The following CCBE1 variants were observed in gnomAD, a reference collection of about 807,000 sequenced individuals.
CCBE1 encodes collagen and calcium binding EGF domains 1.
In CCBE1, 37 loss-of-function variants were observed where a neutral mutation model predicts 50.0. That is an observed-to-expected ratio of 0.74 (90% CI 0.57 to 0.97). The LOEUF is 0.97. Ranked by LOEUF, CCBE1 falls within the 50% of genes least tolerant of loss-of-function variation. The probability of loss-of-function intolerance (pLI) is 0.00; values close to 1 mark genes in which losing one functional copy is unlikely to be tolerated. For missense variants in CCBE1, 538 were observed against 523.8 expected (o/e 1.03, Z -0.26); for synonymous variants, 234 against 203.7 (o/e 1.15, Z -1.27).
In CCBE1 at chr18:59,432,914, G is replaced by A. The variant is rs2143591367; in HGVS notation, c.*2994C>T. ...CTTCTTTTAAAAAAAATCATAGATG[G>A]ACCTAGCCATCTCTCATACAGCTTG... On this transcript the variant is annotated 3_prime_UTR_variant, in exon 11 of 11. Transcript: ENST00000439986. 1 of 151,832 alleles carries A rather than the reference G, an allele frequency of 6.6e-6. No homozygotes were observed. Among genetic ancestry groups the A allele is most frequent in the South Asian group, 2.1e-4 (1 of 4,790 alleles). The allele number at this position is 151,832 out of a possible 1,614,324, so 9.4% of individuals were successfully genotyped here.
rs141191476 is a variant in CCBE1 at position 59,450,719 on chromosome 18, G to A, written c.655-2616C>T. On this transcript the variant is annotated intron_variant, in intron 6 of 10. Transcript: ENST00000439986. The stretch of plus-strand genomic sequence containing the variant: ...CCAACTAATTTTTCTAATTTTAGTA[G>A]AGATGGGGTTTCACTATGTTGGCCA... 7.1e-3 allele frequency among the ~76,000 whole-genome samples: 1,082 copies of A among 152,312 alleles called. 3 individuals carry two copies. The highest frequency in any genetic ancestry group is 0.011 in the Non-Finnish European group (778 of 68,020).
intron 2 of CCBE1, among the ~76,000 whole-genome samples, chr18:59,490,875 C>T (rs1237849819): frequency 6.6e-6 from 1 of 152,172 alleles, no homozygotes; most frequent in East Asian, 1.9e-4. Context: ...CTTTGTAAGA[C>T]ATGTTTAAAC....
chr18:59,635,265 C>T (rs62094367), intron 2 of CCBE1, among the ~76,000 whole-genome samples: 64 of 152,162 alleles, frequency 4.2e-4, no homozygotes, highest in Non-Finnish European at 4.7e-4. Flanking sequence ...TATGGCTAAA[C>T]TGACATTCAA....
rs1909964657 is a variant in CCBE1, at chr18:59,432,095, A to C, written c.*3813T>G. The C allele has an allele frequency of 6.6e-6, 1 of 152,202 alleles. No homozygotes were observed. Among genetic ancestry groups the C allele is most frequent in the African/African-American group, 2.4e-5 (1 of 41,442 alleles). 9.4% of individuals were successfully genotyped at this position (152,202 alleles called of 1,614,324 possible). The stretch of plus-strand genomic sequence containing the variant: ...CAGCTTCCCGAGTAGCTGAGACTAC[A>C]GGCGTGCACCACCACGCCTGGCTAA... On this transcript the variant is annotated 3_prime_UTR_variant, in exon 11 of 11. Transcript: ENST00000439986.
At chr18:59,683,625 G>A (rs1461762703) in intron 2 of CCBE1, among the ~76,000 whole-genome samples, 2 of 152,154 alleles carry the variant, frequency 1.3e-5, no homozygotes, top group African/African-American at 2.4e-5. Flanking sequence ...TTGAACCCAG[G>A]AGGTGGAGAT....
At chr18:59,486,571 G>A (rs1410354651) in intron 2 of CCBE1, among the ~76,000 whole-genome samples, 5 of 152,236 alleles carry the variant, frequency 3.3e-5, no homozygotes, top group Non-Finnish European at 5.9e-5. Flanking sequence ...AACATGGCAA[G>A]AGGATTGTGC....
At chr18:59,684,379 G>T (rs1359801094) in intron 2 of CCBE1, among the ~76,000 whole-genome samples, 1 of 152,198 alleles carries the variant, frequency 6.6e-6, no homozygotes, top group African/African-American at 2.4e-5. Context: ...AACCTGGGAG[G>T]CAGAGGTTGC....
At position 59,446,838 on chromosome 18, in the gene CCBE1, C is replaced by T. The variant is rs570944420; in HGVS notation, c.775+1145G>A. On this transcript the variant is annotated intron_variant, in intron 7 of 10. Transcript: ENST00000439986. ...CTGTTTTATTCTATTTGCATATGCT[C>T]TATGTGTCTGGTCTTCCCAATTAGG... Among the ~76,000 whole-genome samples the T allele has an allele frequency of 6.6e-5, 10 of 152,298 alleles. No individual in the cohort carries two copies. The South Asian group carries it at 2.1e-3, about 32-fold the overall frequency.
At chr18:59,649,195 C>CA in intron 2 of CCBE1, among the ~76,000 whole-genome samples, 1 of 152,334 alleles carries the variant, frequency 6.6e-6, no homozygotes, top group South Asian at 2.1e-4. Context: ...ATCTTATAGA[C>CA]AACAGCGGCC....
intron 2 of CCBE1, among the ~76,000 whole-genome samples, chr18:59,673,108 T>C (rs778903825): frequency 4.6e-5 from 7 of 152,164 alleles, no homozygotes; most frequent in Non-Finnish European, 1.0e-4. Context: ...AGAAAGTTGC[T>C]TGACAAACCT....
chr18:59,608,740 A>G (rs978256636), intron 2 of CCBE1, among the ~76,000 whole-genome samples: 1 of 152,182 alleles, frequency 6.6e-6, no homozygotes, highest in African/African-American at 2.4e-5. Flanking sequence ...TCTCTTCTAC[A>G]CGGAGTCTTT....
intron 9 of CCBE1, among the ~76,000 whole-genome samples, chr18:59,438,997 A>C (rs1212708281): frequency 6.6e-6 from 1 of 152,158 alleles, no homozygotes; most frequent in Admixed American, 6.5e-5. Context: ...TAAAAAATCC[A>C]AAAATTAGGC....
intron 2 of CCBE1, among the ~76,000 whole-genome samples, chr18:59,504,439 C>A (rs1275772838): frequency 7.2e-6 from 1 of 139,298 alleles, no homozygotes. Flanking sequence ...ACTGAAAATT[C>A]TGGTTGACCA....
chr18:59,544,396 A>G (rs896374472), intron 2 of CCBE1, among the ~76,000 whole-genome samples: 1 of 152,268 alleles, frequency 6.6e-6, no homozygotes, highest in South Asian at 2.1e-4. Flanking sequence ...TATGAAATAA[A>G]AACTCTGTAT....
chr18:59,589,390 T>C lies in CCBE1; in HGVS notation c.212+107239A>G, dbSNP rs557614552. ...TACAAACCGTCAAAGACCAGCTAAG[T>C]AAGTCCAATATCACTGATAGCACCA... On this transcript the variant is annotated intron_variant, in intron 2 of 10. Coordinates refer to ENST00000439986, the MANE Select transcript of CCBE1 (RefSeq NM_133459.4). 2.6e-5 allele frequency among the ~76,000 whole-genome samples: 4 copies of C among 152,166 alleles called. No homozygotes were observed. In the South Asian group the frequency reaches 8.3e-4, roughly 32 times the overall value.
intron 2 of CCBE1, among the ~76,000 whole-genome samples, chr18:59,510,741 A>T (rs1314655510): frequency 1.3e-5 from 2 of 152,326 alleles, no homozygotes; most frequent in South Asian, 2.1e-4. Flanking sequence ...TTCAACTTTC[A>T]TAAATGCTTC....
chr18:59,500,180 A>G (rs116922614), intron 2 of CCBE1, among the ~76,000 whole-genome samples: 240 of 152,210 alleles, frequency 1.6e-3, no homozygotes, highest in Non-Finnish European at 2.8e-3. Flanking sequence ...GCATGGTTCT[A>G]CTCTGCAGTT....
rs559333214 is a variant in CCBE1 at position 59,547,780 on chromosome 18, G to A, written c.213-67542C>T. Among the ~76,000 whole-genome samples the A allele has an allele frequency of 4.2e-4, 64 of 152,254 alleles. 1 individual carries two copies. The highest frequency in any genetic ancestry group is 7.5e-4 in the African/African-American group (31 of 41,538). On this transcript the variant is annotated intron_variant, in intron 2 of 10. Transcript: ENST00000439986. The stretch of plus-strand genomic sequence containing the variant: ...CCAGTGGTGTGGGCTACGTCTGGGC[G>A]GCCCAGAAGCATGCTGACAGAAGCA...
intron 6 of CCBE1, among the ~76,000 whole-genome samples, 166 bp downstream of exon 6, chr18:59,454,685 G>A (rs1253317953): frequency 6.6e-6 from 1 of 152,190 alleles, no homozygotes; most frequent in East Asian, 1.9e-4. Context: ...CCCCTTGGAT[G>A]GCTCTGAGGG....
Sources: gnomAD v4.1 joint callset for allele counts (sites outside exome capture counted in the v4.1 genomes callset) on GRCh38, gnomAD v4.1.1 for gene constraint, MANE v1.5 for transcripts, NCBI Gene and HGNC (gene_info 2026-07-23, HGNC 2026-07-21) for gene names.